The following ZBTB37 variants were observed in gnomAD, a reference collection of about 807,000 sequenced individuals.
ZBTB37 encodes the protein zinc finger and BTB domain containing 37.
ZBTB37 carries 15 observed loss-of-function variants against 37.7 expected under a neutral mutation model. The observed-to-expected ratio is 0.40, with a 90% CI of 0.27 to 0.61. The LOEUF is 0.61. Among genes scored for constraint, ZBTB37 ranks in the 20% least tolerant of loss-of-function variants. The pLI, the probability that ZBTB37 is intolerant of heterozygous loss-of-function variation, is 0.44. For missense variants in ZBTB37, 514 were observed against 641.9 expected, an observed-to-expected ratio of 0.80 and a Z score of 2.15; for synonymous variants, 231 against 220.6, an observed-to-expected ratio of 1.05 and a Z score of -0.42.
At chr1:173,886,884 T>G (rs1656648348), downstream of ZBTB37, 1 of 152,162 alleles carries the variant, frequency 6.6e-6, no homozygotes, top group Non-Finnish European at 1.5e-5. Context: ...GGGAGGGAAG[T>G]GTTTTTATGT....
exon 4 of ZBTB37, chr1:173,895,463 C>T (rs1330380999): frequency 6.6e-6 from 1 of 152,152 alleles, no homozygotes; most frequent in Non-Finnish European, 1.5e-5. Flanking sequence ...TTTAAGTTTA[C>T]AAATAGGTGA....
At chr1:173,877,278 T>C (rs1256442133) in intron 4 of ZBTB37, among the ~76,000 whole-genome samples, 1 of 151,926 alleles carries the variant, frequency 6.6e-6, no homozygotes, top group Non-Finnish European at 1.5e-5. Context: ...CAGTATAAAC[T>C]TGAGTAATAG....
intron 4 of ZBTB37, among the ~76,000 whole-genome samples, chr1:173,875,333 T>TATAAA (rs200859198): frequency 7.0e-6 from 1 of 143,312 alleles, no homozygotes; most frequent in South Asian, 2.2e-4. Context: ...TATATATATT[T>TATAAA]TTTTTTTTTT....
exon 3 of ZBTB37, chr1:173,870,919 C>T (rs774266791): frequency 1.1e-5 from 17 of 1,614,084 alleles, no homozygotes; most frequent in South Asian, 2.2e-5. Context: ...CCGTGGGGGT[C>T]GGAGTGATGA....
intron 4 of ZBTB37, among the ~76,000 whole-genome samples, chr1:173,878,427 A>G (rs531606732): frequency 2.4e-4 from 36 of 152,266 alleles, no homozygotes; most frequent in Non-Finnish European, 4.4e-4. Flanking sequence ...GGGAAAGGAG[A>G]AGGGAAGGAA....
intron 4 of ZBTB37, among the ~76,000 whole-genome samples, chr1:173,876,756 A>T (rs1465170824): frequency 6.6e-6 from 1 of 152,172 alleles, no homozygotes; most frequent in African/African-American, 2.4e-5. Flanking sequence ...TCATATTATT[A>T]GGGCCCTTTT....
In ZBTB37 at chr1:173,886,104, TC is replaced by T. The variant is rs1316032471; in HGVS notation, c.1494del (p.Thr499ProfsTer21). 1 of 1,551,302 alleles carries T rather than the reference TC, an allele frequency of 6.4e-7. No individual in the cohort carries two copies. Among genetic ancestry groups the T allele is most frequent in the South Asian group, 1.2e-5 (1 of 84,052 alleles). ...TGGGGAAGCTGTCCAGGGCTCTGTG[TC>T]CACCACTGGGCCAGACTGAAACATC... On this transcript the variant is annotated frameshift_variant, in exon 5 of 5. Coordinates refer to ENST00000427304, the Ensembl canonical transcript of ZBTB37. LOFTEE classifies it high-confidence loss of function.
At chr1:173,886,020 G>A in exon 5 of ZBTB37, 1 of 1,551,756 alleles carries the variant, frequency 6.4e-7, no homozygotes, top group South Asian at 1.2e-5. Flanking sequence ...TGAAACAACT[G>A]TCACATCTCG....
downstream of ZBTB37, chr1:173,888,449 CTG>C (rs1240093359): frequency 2.0e-5 from 3 of 150,400 alleles, no homozygotes; most frequent in Non-Finnish European, 4.4e-5. Flanking sequence ...TTTTTAGAGA[CTG>C]TGTCTTCCTC....
exon 5 of ZBTB37, chr1:173,886,034 A>T: frequency 6.4e-7 from 1 of 1,551,720 alleles, no homozygotes; most frequent in Non-Finnish European, 8.7e-7. Context: ...CATCTCGAGG[A>T]CAAGCTGAGG....
exon 5 of ZBTB37, chr1:173,885,726 C>G: frequency 1.9e-6 from 3 of 1,551,746 alleles, no homozygotes; most frequent in Non-Finnish European, 2.6e-6. Context: ...GTACAACCCT[C>G]GTCTCACCTG....
chr1:173,879,875 T>C (rs982790097), intron 4 of ZBTB37, among the ~76,000 whole-genome samples: 1 of 152,058 alleles, frequency 6.6e-6, no homozygotes, highest in Non-Finnish European at 1.5e-5. Flanking sequence ...CACTTGAACC[T>C]GGGAGGCAGA....
chr1:173,875,212 T>C (rs1231552056), intron 4 of ZBTB37, among the ~76,000 whole-genome samples: 2 of 151,260 alleles, frequency 1.3e-5, no homozygotes, highest in East Asian at 1.9e-4. Context: ...ATGTATACTA[T>C]AGTATGCACA....
At chr1:173,882,061 A>G (rs1656345168) in intron 4 of ZBTB37, among the ~76,000 whole-genome samples, 1 of 151,796 alleles carries the variant, frequency 6.6e-6, no homozygotes, top group African/African-American at 2.4e-5. Context: ...CTCAAAAAAA[A>G]AAAGAGAAGT....
At chr1:173,882,896 T>C (rs969765340) in intron 4 of ZBTB37, among the ~76,000 whole-genome samples, 4 of 152,212 alleles carry the variant, frequency 2.6e-5, no homozygotes, top group Admixed American at 1.3e-4. Flanking sequence ...ATAAATAATA[T>C]GAATTTGTAA....
chr1:173,870,060 T>C, intron 2 of ZBTB37, 140 bp from the exon 3 acceptor site: 1 of 600,650 alleles, frequency 1.7e-6, no homozygotes, highest in South Asian at 2.7e-5. Flanking sequence ...TTTCCACATC[T>C]AAATATAAGG....
chr1:173,877,900 A>C (rs1656072994), intron 4 of ZBTB37, among the ~76,000 whole-genome samples: 1 of 152,200 alleles, frequency 6.6e-6, no homozygotes, highest in Admixed American at 6.5e-5. Flanking sequence ...ACTGGAACAC[A>C]CTAATAAAGT....
exon 4 of ZBTB37, chr1:173,898,944 TGA>T (rs1463991898): frequency 1.3e-5 from 2 of 152,238 alleles, no homozygotes; most frequent in Admixed American, 6.5e-5. Flanking sequence ...AGAAGTGAAA[TGA>T]GAGAGTGACC....
At chr1:173,882,035 C>T (rs1332294079) in intron 4 of ZBTB37, among the ~76,000 whole-genome samples, 1 of 150,872 alleles carries the variant, frequency 6.6e-6, no homozygotes, top group Non-Finnish European at 1.5e-5. Flanking sequence ...GCCTGGGTGA[C>T]AGAGGAAGAC....
Sources: gnomAD v4.1 joint callset for allele counts (sites outside exome capture counted in the v4.1 genomes callset) on GRCh38, gnomAD v4.1.1 for gene constraint, MANE v1.5 for transcripts, NCBI Gene and HGNC (gene_info 2026-07-23, HGNC 2026-07-21) for gene names.